CACNB2: variants seen among roughly 807,000 people sequenced by gnomAD.
CACNB2 encodes voltage-dependent L-type calcium channel subunit beta-2.
A neutral mutation model predicts 73.3 loss-of-function variants in CACNB2; 42 were observed. That is an observed-to-expected ratio of 0.57 (90% CI 0.45 to 0.74). CACNB2 has a LOEUF of 0.74. Among genes scored for constraint, CACNB2 ranks in the 30% least tolerant of loss-of-function variants. The pLI is 0.00. For synonymous variants in CACNB2, 348 were observed against 310.3 expected, an observed-to-expected ratio of 1.12 and a Z score of -1.28; for missense variants, 940 against 853.0, an observed-to-expected ratio of 1.10 and a Z score of -1.27.
At chr10:18,385,225 G>T (rs550305593) in intron 2 of CACNB2, among the ~76,000 whole-genome samples, 8 of 151,994 alleles carry the variant, frequency 5.3e-5, no homozygotes, top group African/African-American at 1.9e-4. Context: ...AGAGGTTGCA[G>T]TGAGCCGAGA....
At chr10:18,173,719 T>G (rs1372936414) in intron 2 of CACNB2, among the ~76,000 whole-genome samples, 1 of 152,366 alleles carries the variant, frequency 6.6e-6, no homozygotes, top group South Asian at 2.1e-4. Context: ...AACCTTTTAG[T>G]ATGATATGTT....
At chr10:18,216,777 C>G (rs2035529377) in intron 2 of CACNB2, among the ~76,000 whole-genome samples, 1 of 152,130 alleles carries the variant, frequency 6.6e-6, no homozygotes, top group Non-Finnish European at 1.5e-5. Context: ...CTTAATCTCT[C>G]CAAATTCCAA....
At chr10:18,487,726 T>G (rs1485170997) in intron 3 of CACNB2, among the ~76,000 whole-genome samples, 1 of 151,940 alleles carries the variant, frequency 6.6e-6, no homozygotes, top group Non-Finnish European at 1.5e-5. Flanking sequence ...TCCCAGCTAC[T>G]TGGGAGGCTG....
At position 18,481,203 on chromosome 10, in the gene CACNB2, TATATATATATATATATATATA is replaced by T. The variant is rs1564599140; in HGVS notation, c.334-17151_334-17131del. Among the ~76,000 whole-genome samples the T allele has an allele frequency of 5.8e-3, 90 of 15,588 alleles. 9 individuals carry two copies. The highest frequency in any genetic ancestry group is 7.9e-3 in the African/African-American group (34 of 4,300). The allele number at this position is 15,588 out of a possible 152,430, so 10.2% of individuals were successfully genotyped here. On this transcript the variant is annotated intron_variant, in intron 3 of 13. Transcript: ENST00000324631. Reference sequence around the variant, plus strand: ...ATATTACATCTTCGCTATATATATATATATATATATATATATATATATATATATTTTTTTTTTTTTTTTTTT... The same window carrying T: ...ATATTACATCTTCGCTATATATATATTATATATTTTTTTTTTTTTTTTTTT...
intron 3 of CACNB2, among the ~76,000 whole-genome samples, chr10:18,464,855 T>C (rs909174040): frequency 6.6e-5 from 10 of 152,226 alleles, no homozygotes; most frequent in Admixed American, 6.5e-5. Context: ...GGTTAGAACA[T>C]GCAGATTCTA....
intron 2 of CACNB2, among the ~76,000 whole-genome samples, chr10:18,183,813 A>G (rs576152634): frequency 6.6e-6 from 1 of 152,170 alleles, no homozygotes; most frequent in Non-Finnish European, 1.5e-5. Flanking sequence ...TAGGAGGCCG[A>G]GTGGTACAAT....
chr10:18,282,170 A>G (rs1287096689), intron 2 of CACNB2, among the ~76,000 whole-genome samples: 1 of 152,032 alleles, frequency 6.6e-6, no homozygotes, highest in Non-Finnish European at 1.5e-5. Context: ...CCCTAGGGGC[A>G]GTCATTACCC....
Position 18,498,714 on chromosome 10 carries a change from A to C in CACNB2, c.456+237A>C, listed in dbSNP as rs1264356188. On this transcript the variant is annotated intron_variant, in intron 4 of 13. Transcript: ENST00000324631. ...AGCGCTCCCTGGGGCTCTGTGGCCC[A>C]GAAATTGGGAACTGCTAGAGTAGAT... is the stretch of plus-strand genomic sequence containing the variant. 12 of 503,196 alleles carry C rather than the reference A, an allele frequency of 2.4e-5. No individual in the cohort carries two copies. In the Admixed American group the frequency reaches 3.9e-4, roughly 16 times the overall value. 31.2% of individuals were successfully genotyped at this position (503,196 alleles called of 1,614,324 possible).
intron 2 of CACNB2, among the ~76,000 whole-genome samples, chr10:18,253,103 A>G (rs1326436751): frequency 4.6e-5 from 7 of 152,206 alleles, no homozygotes; most frequent in African/African-American, 1.7e-4. Flanking sequence ...ATCACTTCGT[A>G]TATGAAATGG....
intron 3 of CACNB2, among the ~76,000 whole-genome samples, chr10:18,479,730 T>C (rs1188519227): frequency 6.6e-6 from 1 of 152,174 alleles, no homozygotes; most frequent in Admixed American, 6.6e-5. Flanking sequence ...TCACTCTCTC[T>C]TGCTCTCCTG....
intron 2 of CACNB2, among the ~76,000 whole-genome samples, chr10:18,287,223 G>A (rs1447458855): frequency 1.3e-5 from 2 of 152,078 alleles, no homozygotes; most frequent in East Asian, 3.9e-4. Context: ...CAGCTACTCA[G>A]GAGGCTGAGG....
chr10:18,462,881 C>T (rs2047658357), intron 3 of CACNB2, among the ~76,000 whole-genome samples: 1 of 152,106 alleles, frequency 6.6e-6, no homozygotes, highest in Non-Finnish European at 1.5e-5. Context: ...GCCTCAGCCT[C>T]ATGAGTAGCT....
chr10:18,290,458 C>G (rs1257444668), intron 2 of CACNB2, among the ~76,000 whole-genome samples: 1 of 152,090 alleles, frequency 6.6e-6, no homozygotes, highest in African/African-American at 2.4e-5. Context: ...CCTCTGTCAC[C>G]TCCCATCACC....
intron 2 of CACNB2, among the ~76,000 whole-genome samples, chr10:18,212,079 A>G (rs939228310): frequency 6.6e-6 from 1 of 152,156 alleles, no homozygotes; most frequent in African/African-American, 2.4e-5. Context: ...GAATAGATTG[A>G]TATCTCAGGC....
chr10:18,536,273 T>TG lies in CACNB2; in HGVS notation c.1302+82dup, dbSNP rs150214686. 93 of 294,376 alleles carry TG rather than the reference T, an allele frequency of 3.2e-4. 10 individuals carry two copies. The highest frequency in any genetic ancestry group is 1.0e-3 in the African/African-American group (23 of 22,952). 18.2% of individuals were successfully genotyped at this position (294,376 alleles called of 1,614,324 possible). On this transcript the variant is annotated intron_variant, in intron 12 of 13. Coordinates refer to ENST00000324631, the MANE Select transcript of CACNB2 (RefSeq NM_201596.3). ...TTTTTTTTTTTTTTTTTTTTTTTTTTGGGGGACAAGGTCTTGCTCTGTTGC... is the reference window on the plus strand; with the variant it reads ...TTTTTTTTTTTTTTTTTTTTTTTTTTGGGGGGACAAGGTCTTGCTCTGTTGC...
chr10:18,338,848 C>A (rs916400968), intron 2 of CACNB2, among the ~76,000 whole-genome samples: 3 of 150,710 alleles, frequency 2.0e-5, no homozygotes, highest in Admixed American at 6.7e-5. Flanking sequence ...AAATGATCCT[C>A]CCAACTCAGC....
At chr10:18,333,258 A>C (rs963193662) in intron 2 of CACNB2, among the ~76,000 whole-genome samples, 2 of 152,170 alleles carry the variant, frequency 1.3e-5, no homozygotes, top group Non-Finnish European at 2.9e-5. Flanking sequence ...ATTTGAATAA[A>C]GTCTCACCTT....
At chr10:18,337,744 T>A (rs574832574) in intron 2 of CACNB2, among the ~76,000 whole-genome samples, 1 of 152,346 alleles carries the variant, frequency 6.6e-6, no homozygotes, top group South Asian at 2.1e-4. Flanking sequence ...TTTTTTTACA[T>A]GTTTTACCAC....
intron 2 of CACNB2, among the ~76,000 whole-genome samples, chr10:18,296,849 G>A (rs530752416): frequency 2.6e-5 from 4 of 152,168 alleles, no homozygotes; most frequent in Non-Finnish European, 5.9e-5. Context: ...AGTATGTGCG[G>A]TAGAGGCAGA....
Sources: allele counts gnomAD v4.1 joint callset (sites outside exome capture counted in the v4.1 genomes callset), GRCh38; gene constraint gnomAD v4.1.1; transcripts MANE v1.5; gene names NCBI Gene and HGNC (gene_info 2026-07-23, HGNC 2026-07-21).